Variants in NPHP4 observed in about 807,000 individuals in gnomAD.
The protein encoded by NPHP4 is nephrocystin-4.
Under a neutral mutation model 155.8 loss-of-function variants are expected in NPHP4, and 151 were observed. The ratio of observed to expected loss-of-function variants is 0.97; its 90% CI spans 0.85 to 1.11. The LOEUF is 1.11. Among genes scored for constraint, NPHP4 ranks in the 50% least tolerant of loss-of-function variants. The probability of loss-of-function intolerance (pLI) is 0.00; values close to 1 mark genes in which losing one functional copy is unlikely to be tolerated. For missense variants in NPHP4, 1,956 were observed against 1,925.7 expected, an observed-to-expected ratio of 1.02 and a Z score of -0.29; for synonymous variants, 845 against 816.8, an observed-to-expected ratio of 1.03 and a Z score of -0.59.
rs1264224695 is a variant in NPHP4, at chr1:5,985,883, A to G, written c.135+272T>C. Among the ~76,000 whole-genome samples the G allele has an allele frequency of 1.3e-5, 2 of 152,236 alleles. 1 individual carries two copies. The highest frequency in any genetic ancestry group is 2.9e-5 in the Non-Finnish European group (2 of 68,036). Reference sequence around the variant, plus strand: ...TGTACATCAGAGCTTAGCGTGGCCCAGCTTCAACATGGTCAGAACACTTGC... The same window carrying G: ...TGTACATCAGAGCTTAGCGTGGCCCGGCTTCAACATGGTCAGAACACTTGC... On this transcript the variant is annotated intron_variant, in intron 2 of 29. Transcript: ENST00000378156.
At chr1:5,909,929 CT>C (rs1277098874) in intron 11 of NPHP4, among the ~76,000 whole-genome samples, 2 of 152,188 alleles carry the variant, frequency 1.3e-5, no homozygotes, top group African/African-American at 4.8e-5. Context: ...ATTTGTGCTG[CT>C]TCTGCAACCC....
chr1:5,880,004 C>T, intron 19 of NPHP4, 110 bp downstream of exon 19: 1 of 1,107,344 alleles, frequency 9.0e-7, no homozygotes, highest in Non-Finnish European at 1.3e-6. Flanking sequence ...ACGAATGGTG[C>T]ACACACACAC....
At chr1:5,863,814 C>G in intron 29 of NPHP4, 76 bp downstream of exon 29, 1 of 1,518,350 alleles carries the variant, frequency 6.6e-7, no homozygotes. Flanking sequence ...GAACTCGCTC[C>G]TAAATGCAGG....
At chr1:5,878,930 C>T (rs1423036223) in intron 19 of NPHP4, among the ~76,000 whole-genome samples, 1 of 152,258 alleles carries the variant, frequency 6.6e-6, no homozygotes, top group Non-Finnish European at 1.5e-5. Context: ...AAGCCAAGTT[C>T]ACCCCTTAGC....
intron 7 of NPHP4, among the ~76,000 whole-genome samples, chr1:5,952,212 G>A (rs1201606771): frequency 6.6e-6 from 1 of 152,226 alleles, no homozygotes; most frequent in African/African-American, 2.4e-5. Context: ...TGGGTGAGAT[G>A]ACCGAGGCTT....
chr1:5,879,138 AG>A (rs1642925582), intron 19 of NPHP4, among the ~76,000 whole-genome samples: 1 of 152,170 alleles, frequency 6.6e-6, no homozygotes. Flanking sequence ...GCCTTGCAGG[AG>A]GGAACCCAAC....
At chr1:5,897,575 A>G (rs904074245) in intron 16 of NPHP4, among the ~76,000 whole-genome samples, 6 of 152,206 alleles carry the variant, frequency 3.9e-5, no homozygotes, top group Non-Finnish European at 5.9e-5. Flanking sequence ...CAACATGAAG[A>G]AGCAACCAGG....
At chr1:5,935,602 C>T (rs572549886) in intron 9 of NPHP4, among the ~76,000 whole-genome samples, 202 of 152,262 alleles carry the variant, frequency 1.3e-3, no homozygotes, top group African/African-American at 4.7e-3. Context: ...CAGCCAGGCA[C>T]GGTGGCTCAC....
At position 5,978,307 on chromosome 1, in the gene NPHP4, G is replaced by C. The variant is rs375278331; in HGVS notation, c.242C>G (p.Pro81Arg). The change falls in exon 3 of 30, where the codon CCG (proline) becomes CGG (arginine). Residue 81 changes from proline (P) to arginine (R), a missense_variant. Transcript: ENST00000378156. ...FGRTWKTTVK[P>R]TKRPPSRIVF... The stretch of plus-strand genomic sequence containing the variant: ...GATCCTGGACGGCGGTCTCTTCGTC[G>C]GCTTCACTGTGGTTTTCCACGTCCT... 1.2e-5 allele frequency: 20 copies of C among 1,609,102 alleles called. No homozygotes were observed. The South Asian group carries it at 2.0e-4, about 16-fold the overall frequency.
chr1:5,917,788 A>T (rs74602695), intron 11 of NPHP4, among the ~76,000 whole-genome samples: 1,808 of 152,248 alleles, frequency 0.012, 17 homozygotes, highest in Non-Finnish European at 0.018. Flanking sequence ...ACGATGAGTC[A>T]GTCCCCAGTC....
intron 5 of NPHP4, among the ~76,000 whole-genome samples, chr1:5,962,478 A>T (rs1251652165): frequency 1.3e-5 from 2 of 152,182 alleles, no homozygotes; most frequent in Non-Finnish European, 2.9e-5. Context: ...AGGGGCCTGG[A>T]GGACACCCTG....
rs983545383 is a variant in NPHP4 at position 5,888,311 on chromosome 1, G to A, written c.2305-845C>T. On this transcript the variant is annotated intron_variant, in intron 17 of 29. Coordinates refer to ENST00000378156, the MANE Select transcript of NPHP4 (RefSeq NM_015102.5). ...GGCCTCACGGCTGTGCCCCAGGCGT[G>A]GCTGGGACACTCTTCCCCCGTGCCC... is the stretch of plus-strand genomic sequence containing the variant. 9.6e-6 allele frequency: 10 copies of A among 1,036,748 alleles called. No homozygotes were observed. The African/African-American group carries it at 1.2e-4, about 13-fold the overall frequency. The allele number at this position is 1,036,748 out of a possible 1,614,324, so 64.2% of individuals were successfully genotyped here. A position where few individuals can be genotyped will look rare whatever the true frequency, so the allele number is the denominator to read the frequency against.
chr1:5,905,693 A>T lies in NPHP4; in HGVS notation c.1702T>A (p.Leu568Ile). 6.2e-7 allele frequency: 1 copy of T among 1,613,896 alleles called. No individual in the cohort carries two copies. The highest frequency in any genetic ancestry group is 1.7e-4 in the Middle Eastern group (1 of 6,060). ...LVLETSIAEQ[L>I]QELPFTPLHA... Reference sequence around the variant, plus strand: ...AAAGGCGTGAACGGCAGCTCCTGTAACTGTTCGGCAATGGATGTTTCCAGG... The same window carrying T: ...AAAGGCGTGAACGGCAGCTCCTGTATCTGTTCGGCAATGGATGTTTCCAGG... The change falls in exon 14 of 30, where the codon TTA becomes ATA. Residue 568 changes from leucine (L) to isoleucine (I), a missense_variant. Transcript: ENST00000378156. This position sits in a 1 kb window ranked among gnomAD's most constrained non-coding sequence, Gnocchi z 4.0.
At chr1:5,933,423 G>A (rs989989460) in intron 9 of NPHP4, 94 bp from the exon 10 acceptor site, 14 of 1,031,838 alleles carry the variant, frequency 1.4e-5, no homozygotes, top group African/African-American at 6.3e-5. Context: ...AAAATTCAAC[G>A]AGAGCTCAGT....
Position 5,933,303 on chromosome 1 carries a change from G to C in NPHP4, c.1146C>G (p.Asn382Lys), listed in dbSNP as rs35680448. Residue 382 changes from asparagine to lysine, a missense_variant, in exon 10 of 30, where the codon AAC (asparagine) becomes AAG (lysine). Asn to Lys is a moderately conservative substitution (Grantham distance 94). Transcript: ENST00000378156. ...GNAASVTSLS[N>K]LACMHMVRWA... Reference sequence around the variant, plus strand: ...AGCGGACCATGTGCATGCATGCCAGGTTGGACAGAGAGGTGACCGAAGCTG... The same window carrying C: ...AGCGGACCATGTGCATGCATGCCAGCTTGGACAGAGAGGTGACCGAAGCTG... 6.2e-7 allele frequency: 1 copy of C among 1,613,190 alleles called. No individual in the cohort carries two copies. Among genetic ancestry groups the C allele is most frequent in the Non-Finnish European group, 8.5e-7 (1 of 1,179,846 alleles).
intron 2 of NPHP4, among the ~76,000 whole-genome samples, chr1:5,983,644 A>G (rs911575105): frequency 2.0e-5 from 3 of 152,170 alleles, no homozygotes; most frequent in Non-Finnish European, 4.4e-5. Flanking sequence ...AGCTGAGAGT[A>G]TGACTACATG....
At chr1:5,979,668 G>A (rs1378008777) in intron 2 of NPHP4, among the ~76,000 whole-genome samples, 2 of 152,050 alleles carry the variant, frequency 1.3e-5, no homozygotes, top group Non-Finnish European at 2.9e-5. Flanking sequence ...GACCACAGGT[G>A]CACTCCACCA....
chr1:5,943,445 A>G (rs1293030048), intron 9 of NPHP4, among the ~76,000 whole-genome samples: 1 of 152,124 alleles, frequency 6.6e-6, no homozygotes, highest in East Asian at 1.9e-4. Flanking sequence ...TCCTTCCACA[A>G]AGGGCCCCTA....
In NPHP4 at chr1:5,899,576, T is replaced by A. The variant is rs61057120; in HGVS notation, c.2143+5041A>T. Among the ~76,000 whole-genome samples the A allele has an allele frequency of 1.5e-3, 224 of 152,310 alleles. 4 individuals are homozygous for A. In the East Asian group the frequency reaches 0.034, roughly 23 times the overall value. On this transcript the variant is annotated intron_variant, in intron 16 of 29. Coordinates refer to ENST00000378156, the MANE Select transcript of NPHP4 (RefSeq NM_015102.5). Reference sequence around the variant, plus strand: ...GCTGGGAGGTGGTTACGCAGGTGTGTTCACTTGGTAAAATTTATACCTTTT... The same window carrying A: ...GCTGGGAGGTGGTTACGCAGGTGTGATCACTTGGTAAAATTTATACCTTTT...
Sources: allele counts gnomAD v4.1 joint callset (sites outside exome capture counted in the v4.1 genomes callset), GRCh38; gene constraint gnomAD v4.1.1; non-coding constraint Gnocchi (gnomAD v3.1); transcripts MANE v1.5; gene names NCBI Gene and HGNC (gene_info 2026-07-23, HGNC 2026-07-21).